The following ARGLU1 variants were observed in gnomAD, a reference collection of about 807,000 sequenced individuals.
ARGLU1 encodes arginine and glutamate rich 1, also known as arginine and glutamate-rich protein 1.
ARGLU1 carries 9 observed loss-of-function variants against 37.6 expected under a neutral mutation model. The observed-to-expected ratio is 0.24, with a 90% CI of 0.14 to 0.42. The LOEUF is 0.42. Among genes scored for constraint, ARGLU1 ranks in the 10% least tolerant of loss-of-function variants. ARGLU1 has a pLI of 1.00. For synonymous variants in ARGLU1, 166 were observed against 138.5 expected (o/e 1.20, Z -1.39); for missense variants, 211 against 359.2 (o/e 0.59, Z 3.34).
chr13:106,553,966 T>C (rs1190650268), intron 3 of ARGLU1, among the ~76,000 whole-genome samples: 2 of 152,210 alleles, frequency 1.3e-5, no homozygotes, highest in East Asian at 3.9e-4. Flanking sequence ...ACCCTAGCCT[T>C]TGTTTTATTC....
At chr13:106,562,113 T>C (rs1476940472) in intron 1 of ARGLU1, among the ~76,000 whole-genome samples, 1 of 152,170 alleles carries the variant, frequency 6.6e-6, no homozygotes, top group African/African-American at 2.4e-5. Context: ...CATCCCAATA[T>C]GAAAATGAAG....
In ARGLU1 at chr13:106,568,084, G is replaced by A. The variant is rs1881028807; in HGVS notation, c.-165C>T. 1 of 1,117,822 alleles carries A rather than the reference G, an allele frequency of 8.9e-7. No individual in the cohort carries two copies. The highest frequency in any genetic ancestry group is 1.2e-6 in the Non-Finnish European group (1 of 834,446). 69.2% of individuals were successfully genotyped at this position (1,117,822 alleles called of 1,614,324 possible). On this transcript the variant is annotated 5_prime_UTR_variant, in exon 1 of 4. Coordinates refer to ENST00000400198, the MANE Select transcript of ARGLU1 (RefSeq NM_018011.4). ...TCCCGGCGTCTACAGCTGCCACGAA[G>A]GCCGCCTCCAACGAGAAACCCGTAG...
At chr13:106,560,797 T>C (rs1880779704) in intron 1 of ARGLU1, among the ~76,000 whole-genome samples, 1 of 152,182 alleles carries the variant, frequency 6.6e-6, no homozygotes, top group African/African-American at 2.4e-5. Flanking sequence ...ACCTGCAACC[T>C]TTATCTTTTG....
intron 1 of ARGLU1, among the ~76,000 whole-genome samples, chr13:106,562,646 T>A (rs1880841707): frequency 6.6e-6 from 1 of 152,110 alleles, no homozygotes; most frequent in Admixed American, 6.6e-5. Flanking sequence ...AGGTTTTCAA[T>A]GAAATGGTAT....
At chr13:106,550,660 G>A (rs747211595) in intron 3 of ARGLU1, among the ~76,000 whole-genome samples, 3 of 152,156 alleles carry the variant, frequency 2.0e-5, no homozygotes, top group Non-Finnish European at 4.4e-5. Flanking sequence ...ATGGAGTCAA[G>A]AAGTCCAAAA....
chr13:106,566,955 C>T (rs1438464710), intron 1 of ARGLU1, among the ~76,000 whole-genome samples: 1 of 151,640 alleles, frequency 6.6e-6, no homozygotes, highest in Non-Finnish European at 1.5e-5. Context: ...TTTAACATCT[C>T]AAGGAAGGGG....
At chr13:106,558,113 T>C (rs1190254937) in intron 2 of ARGLU1, 1 of 984,960 alleles carries the variant, frequency 1.0e-6, no homozygotes, top group Non-Finnish European at 1.2e-6. Flanking sequence ...CAGAGGGTTG[T>C]GTCCGTGTAA....
chr13:106,560,630 C>A (rs1374249469), intron 1 of ARGLU1, among the ~76,000 whole-genome samples: 1 of 152,082 alleles, frequency 6.6e-6, no homozygotes, highest in Non-Finnish European at 1.5e-5. Flanking sequence ...CTTAAGGTTA[C>A]TAAAAAAATT....
chr13:106,546,618 A>C (rs1880397348), intron 3 of ARGLU1, among the ~76,000 whole-genome samples: 1 of 152,186 alleles, frequency 6.6e-6, no homozygotes, highest in East Asian at 1.9e-4. Flanking sequence ...GTAAGAGCTT[A>C]GTGTGTGCAA....
chr13:106,560,421 C>T (rs1349097644), intron 1 of ARGLU1, among the ~76,000 whole-genome samples: 1 of 152,112 alleles, frequency 6.6e-6, no homozygotes, highest in African/African-American at 2.4e-5. Flanking sequence ...AAATTACTGA[C>T]ATTCATCAAG....
rs1423748737 is a variant in ARGLU1, at chr13:106,542,069, C to T, written c.*1927G>A. Reference sequence around the variant, plus strand: ...TGGAGTCTCCAAAAGCAAGCAGATACTGCAGGATGTCATTAAGCAACTTAC... The same window carrying T: ...TGGAGTCTCCAAAAGCAAGCAGATATTGCAGGATGTCATTAAGCAACTTAC... On this transcript the variant is annotated 3_prime_UTR_variant, in exon 4 of 4. Transcript: ENST00000400198. 1 of 152,020 alleles carries T rather than the reference C, an allele frequency of 6.6e-6. No homozygotes were observed. Among genetic ancestry groups the T allele is most frequent in the Non-Finnish European group, 1.5e-5 (1 of 67,980 alleles). The allele number at this position is 152,020 out of a possible 1,614,324, so 9.4% of individuals were successfully genotyped here. A position where few individuals can be genotyped will look rare whatever the true frequency, so the allele number is the denominator to read the frequency against.
At chr13:106,552,958 A>AT (rs1414274569) in intron 3 of ARGLU1, among the ~76,000 whole-genome samples, 1 of 152,214 alleles carries the variant, frequency 6.6e-6, no homozygotes. Flanking sequence ...GCACTTAATG[A>AT]TTTTCACATA....
intron 3 of ARGLU1, among the ~76,000 whole-genome samples, chr13:106,556,081 A>G (rs753102539): frequency 2.3e-4 from 35 of 152,186 alleles, no homozygotes; most frequent in Non-Finnish European, 3.4e-4. Flanking sequence ...GAATCCCAGA[A>G]TAACTAAAAA....
At chr13:106,558,404 T>C (rs993565310) in intron 2 of ARGLU1, 1 of 985,402 alleles carries the variant, frequency 1.0e-6, no homozygotes, top group Non-Finnish European at 1.2e-6. Context: ...TTGTCCACAA[T>C]AATGCCAAGA....
At chr13:106,564,527 T>C (rs925472605) in intron 1 of ARGLU1, among the ~76,000 whole-genome samples, 1 of 152,212 alleles carries the variant, frequency 6.6e-6, no homozygotes, top group African/African-American at 2.4e-5. Context: ...TAACTAGATT[T>C]CTTGTAAGGG....
intron 1 of ARGLU1, among the ~76,000 whole-genome samples, chr13:106,566,812 A>G (rs570557357): frequency 1.1e-4 from 16 of 152,274 alleles, no homozygotes; most frequent in South Asian, 6.2e-4. Context: ...GGAAACAACA[A>G]AACTGCACGT....
chr13:106,546,941 T>C (rs1880405504), intron 3 of ARGLU1, among the ~76,000 whole-genome samples: 1 of 152,138 alleles, frequency 6.6e-6, no homozygotes, highest in Admixed American at 6.5e-5. Context: ...TTAACAGTAT[T>C]AAGATGTGGG....
chr13:106,567,879 T>G lies in ARGLU1; in HGVS notation c.41A>C (p.His14Pro), dbSNP rs201575538. Residue 14 changes from histidine (H) to proline (P), a missense_variant, in exon 1 of 4, where the codon CAC becomes CCC. Around this residue, in one of 3 missense-constraint regions of ARGLU1, gnomAD observed 130 missense variants for 179.8 expected, o/e 0.72. Transcript: ENST00000400198. The surrounding 1 kb of genome is among the most constrained non-coding windows in gnomAD (Gnocchi z 4.3). ...SRSRSSSRSKHTKSSKHNKKR... is the reference protein window; with the variant it reads ...SRSRSSSRSKPTKSSKHNKKR... ...CTTGTTGTGCTTGCTGCTCTTGGTG[T>G]GCTTGGAGCGGGACGAGCTCCGGCT... The G allele has an allele frequency of 6.2e-7, 1 of 1,611,774 alleles. No homozygotes were observed. Among genetic ancestry groups the G allele is most frequent in the African/African-American group, 1.3e-5 (1 of 74,910 alleles).
chr13:106,546,998 G>A (rs993728445), intron 3 of ARGLU1, among the ~76,000 whole-genome samples: 3 of 152,100 alleles, frequency 2.0e-5, no homozygotes, highest in African/African-American at 7.2e-5. Context: ...CTCATGAATG[G>A]ATTAATTCTG....
Sources: allele counts gnomAD v4.1 joint callset (sites outside exome capture counted in the v4.1 genomes callset), GRCh38; gene constraint gnomAD v4.1.1; regional missense constraint gnomAD v4.1.1; non-coding constraint Gnocchi (gnomAD v3.1); transcripts MANE v1.5; gene names NCBI Gene and HGNC (gene_info 2026-07-23, HGNC 2026-07-21).